Variants in PDE11A observed in about 807,000 individuals in gnomAD.
PDE11A encodes phosphodiesterase 11A, also known as dual 3',5'-cyclic-AMP and -GMP phosphodiesterase 11A.
In PDE11A, 100 loss-of-function variants were observed where a neutral mutation model predicts 100.5. That is an observed-to-expected ratio of 1.00 (90% CI 0.85 to 1.18). PDE11A has a LOEUF of 1.18. Among genes scored for constraint, PDE11A ranks in the 50% most tolerant of loss-of-function variants. PDE11A has a pLI of 0.00. For missense variants in PDE11A, 1,141 were observed against 1,152.6 expected (o/e 0.99, Z 0.15); for synonymous variants, 381 against 420.8 (o/e 0.91, Z 1.16).
chr2:178,025,867 T>C (rs1216078270), intron 1 of PDE11A, among the ~76,000 whole-genome samples: 1 of 152,008 alleles, frequency 6.6e-6, no homozygotes, highest in Non-Finnish European at 1.5e-5. Flanking sequence ...ATCTAAGAAC[T>C]GCAATGAATC....
chr2:177,887,433 C>T (rs1188761792), intron 4 of PDE11A, among the ~76,000 whole-genome samples: 2 of 147,532 alleles, frequency 1.4e-5, no homozygotes, highest in African/African-American at 2.5e-5. Flanking sequence ...TCTTAGGAAA[C>T]GTCGGCTGGA....
At chr2:178,054,080 T>G (rs1344160263) in intron 1 of PDE11A, among the ~76,000 whole-genome samples, 1 of 152,054 alleles carries the variant, frequency 6.6e-6, no homozygotes, top group South Asian at 2.1e-4. Context: ...AGAACAAAGC[T>G]GGAGGCGTCG....
chr2:177,925,639 A>G (rs1004385020), intron 2 of PDE11A, among the ~76,000 whole-genome samples: 1 of 152,210 alleles, frequency 6.6e-6, no homozygotes, highest in Non-Finnish European at 1.5e-5. Context: ...GCCCTTAGGC[A>G]CAATCACTTA....
In PDE11A at chr2:177,629,545, G is replaced by A. The variant is rs763914972; in HGVS notation, c.2664C>T (p.Asn888=). 8 of 1,613,926 alleles carry A rather than the reference G, an allele frequency of 5.0e-6. No homozygotes were observed. Among genetic ancestry groups the A allele is most frequent in the Admixed American group, 1.7e-5 (1 of 60,012 alleles). Residue 888 remains asparagine, a synonymous_variant, in exon 20 of 20, where the codon AAC becomes AAT. Coordinates refer to ENST00000286063, the MANE Select transcript of PDE11A (RefSeq NM_016953.4). ...AATCTAGCATCGGCTTCAGTTTCACGTTGACCTTCACCAGTGCCTAAAACA... is the reference window on the plus strand; with the variant it reads ...AATCTAGCATCGGCTTCAGTTTCACATTGACCTTCACCAGTGCCTAAAACA... ...MPLYQALVKV[N]VKLKPMLDSV... is the part of the protein sequence containing the mutation.
chr2:177,855,864 A>G lies in PDE11A; in HGVS notation c.1368-15481T>C, dbSNP rs1057310232. Among the ~76,000 whole-genome samples the G allele has an allele frequency of 1.7e-4, 26 of 151,184 alleles. 1 individual carries two copies. Among genetic ancestry groups the G allele is most frequent in the African/African-American group, 6.3e-4 (26 of 41,140 alleles). ...AATGAGATGCTCCCAGAAGGCTTTG[A>G]AAAGCTTGTACATATTCATAGACAT... On this transcript the variant is annotated intron_variant, in intron 5 of 19. Transcript: ENST00000286063.
intron 1 of PDE11A, among the ~76,000 whole-genome samples, chr2:178,105,193 G>A (rs931556024): frequency 1.3e-5 from 2 of 152,184 alleles, no homozygotes; most frequent in African/African-American, 4.8e-5. Flanking sequence ...TGGGTGCGGT[G>A]GCTCATGTCT....
At chr2:177,673,197 C>T (rs1480853371) in intron 17 of PDE11A, among the ~76,000 whole-genome samples, 1 of 152,184 alleles carries the variant, frequency 6.6e-6, no homozygotes, top group African/African-American at 2.4e-5. Flanking sequence ...ACTAAACGTA[C>T]AAGAGAGTTT....
chr2:177,737,779 T>C (rs2105460552), intron 10 of PDE11A, among the ~76,000 whole-genome samples: 2 of 152,312 alleles, frequency 1.3e-5, no homozygotes, highest in East Asian at 3.9e-4. Context: ...TAATATGTTG[T>C]GTAATTATTG....
intron 10 of PDE11A, among the ~76,000 whole-genome samples, chr2:177,768,867 T>A (rs1205313593): frequency 1.3e-5 from 2 of 152,212 alleles, no homozygotes; most frequent in African/African-American, 4.8e-5. Context: ...ATTGTGAGGA[T>A]TAAATGAATT....
chr2:177,950,768 G>A (rs1249132320), intron 2 of PDE11A, among the ~76,000 whole-genome samples: 4 of 152,100 alleles, frequency 2.6e-5, no homozygotes, highest in East Asian at 1.9e-4. Context: ...AACATTAGCC[G>A]AGCGCCATGG....
At chr2:177,757,826 T>G (rs1195112286) in intron 10 of PDE11A, among the ~76,000 whole-genome samples, 1 of 152,122 alleles carries the variant, frequency 6.6e-6, no homozygotes, top group Non-Finnish European at 1.5e-5. Flanking sequence ...TTCTACCATG[T>G]GGTCTTATAG....
At position 178,105,535 on chromosome 2, in the gene PDE11A, G is replaced by T. The variant is rs989148120; in HGVS notation, c.-13-1059C>A. ...AATAAATTTTTTACAAAGATATTTT[G>T]GTTGAGACTGTTAAAAATTCTATAA... On this transcript the variant is annotated intron_variant, in intron 1 of 20. Transcript: ENST00000358450. 4.1e-5 allele frequency: 12 copies of T among 290,378 alleles called. No individual in the cohort carries two copies. The East Asian group carries it at 6.8e-4, about 17-fold the overall frequency. 18.0% of individuals were successfully genotyped at this position (290,378 alleles called of 1,614,324 possible). A position where few individuals can be genotyped will look rare whatever the true frequency, so the allele number is the denominator to read the frequency against.
chr2:177,944,726 C>T (rs1055305653), intron 2 of PDE11A, among the ~76,000 whole-genome samples: 58 of 152,014 alleles, frequency 3.8e-4, no homozygotes, highest in African/African-American at 1.3e-3. Flanking sequence ...CGCCGAGGTG[C>T]GGGCTGTGAG....
At chr2:177,684,900 G>A (rs773569036) in intron 15 of PDE11A, among the ~76,000 whole-genome samples, 4 of 152,328 alleles carry the variant, frequency 2.6e-5, no homozygotes, top group Admixed American at 6.5e-5. Context: ...TACATCCAGG[G>A]TGTCCTTGGA....
chr2:177,944,332 C>A (rs1053394723), intron 2 of PDE11A, among the ~76,000 whole-genome samples: 5 of 152,066 alleles, frequency 3.3e-5, no homozygotes, highest in African/African-American at 4.8e-5. Flanking sequence ...AACCAAATAA[C>A]CAATAATCAA....
At chr2:177,732,551 T>C (rs2081708140) in intron 10 of PDE11A, among the ~76,000 whole-genome samples, 1 of 152,214 alleles carries the variant, frequency 6.6e-6, no homozygotes, top group African/African-American at 2.4e-5. Context: ...GGCCCCTGTC[T>C]TGTAGATTAT....
intron 16 of PDE11A, among the ~76,000 whole-genome samples, chr2:177,678,652 A>T (rs1248227004): frequency 6.6e-6 from 1 of 152,148 alleles, no homozygotes; most frequent in African/African-American, 2.4e-5. Context: ...AGGTGGTCAG[A>T]GTGTAACCAT....
At chr2:177,964,376 A>AT in intron 2 of PDE11A, among the ~76,000 whole-genome samples, 2 of 151,632 alleles carry the variant, frequency 1.3e-5, no homozygotes, top group South Asian at 2.1e-4. Flanking sequence ...CTCTATTTCT[A>AT]TTTTTTTTCT....
At chr2:178,079,461 T>C (rs1313305904) in intron 2 of PDE11A, among the ~76,000 whole-genome samples, 1 of 152,200 alleles carries the variant, frequency 6.6e-6, no homozygotes, top group East Asian at 1.9e-4. Context: ...CTCTGCAAAG[T>C]ACATGATCTT....
Sources: gnomAD v4.1 joint callset for allele counts (sites outside exome capture counted in the v4.1 genomes callset) on GRCh38, gnomAD v4.1.1 for gene constraint, MANE v1.5 for transcripts, NCBI Gene and HGNC (gene_info 2026-07-23, HGNC 2026-07-21) for gene names.